CLIC5: variants seen among roughly 807,000 people sequenced by gnomAD.
CLIC5 encodes chloride intracellular channel protein 5.
In CLIC5, 20 loss-of-function variants were observed where a neutral mutation model predicts 24.7. The ratio of observed to expected loss-of-function variants is 0.81; its 90% CI spans 0.57 to 1.18. The LOEUF is 1.18. Among genes scored for constraint, CLIC5 ranks in the 50% most tolerant of loss-of-function variants. The pLI, the probability that CLIC5 is intolerant of heterozygous loss-of-function variation, is 0.00. For missense variants in CLIC5, 341 were observed against 326.1 expected (o/e 1.05, Z -0.35); for synonymous variants, 159 against 135.6 (o/e 1.17, Z -1.20).
At chr6:45,967,295 T>G (rs1298194698) in intron 1 of CLIC5, among the ~76,000 whole-genome samples, 1 of 152,188 alleles carries the variant, frequency 6.6e-6, no homozygotes, top group East Asian at 1.9e-4. Context: ...GATGTGGTGA[T>G]GAAAGAGACA....
intron 1 of CLIC5, among the ~76,000 whole-genome samples, chr6:46,074,657 G>A (rs1004993531): frequency 2.0e-4 from 31 of 152,220 alleles, no homozygotes; most frequent in African/African-American, 7.2e-4. Flanking sequence ...CACGTGAGCT[G>A]AGTGTGGACA....
intron 1 of CLIC5, among the ~76,000 whole-genome samples, chr6:45,960,843 G>A (rs928153784): frequency 6.6e-6 from 1 of 152,320 alleles, no homozygotes; most frequent in African/African-American, 2.4e-5. Context: ...CTCCAGACCA[G>A]CTCTGGCCTG....
intron 4 of CLIC5, among the ~76,000 whole-genome samples, chr6:45,915,528 A>T (rs1042995477): frequency 6.6e-6 from 1 of 152,124 alleles, no homozygotes; most frequent in African/African-American, 2.4e-5. Context: ...GGGTTACTCT[A>T]GGGAAGCTTG....
chr6:45,913,845 C>CAT (rs1762910621), intron 5 of CLIC5: 1 of 1,225,356 alleles, frequency 8.2e-7, no homozygotes. Flanking sequence ...TATGAGGGCA[C>CAT]ATTTAATAGA....
At chr6:46,065,346 GTT>G (rs58256194) in intron 1 of CLIC5, among the ~76,000 whole-genome samples, 50,138 of 145,316 alleles carry the variant, frequency 0.35, 9,015 homozygotes, top group East Asian at 0.62. Context: ...AATTTTCAAG[GTT>G]TTTTTTTTTT....
intron 1 of CLIC5, among the ~76,000 whole-genome samples, chr6:46,012,360 T>C (rs966579840): frequency 7.9e-5 from 12 of 152,248 alleles, no homozygotes; most frequent in African/African-American, 2.9e-4. Flanking sequence ...ACAGGTATTA[T>C]GGGACATTAG....
At chr6:46,094,846 C>T in the CLIC5 span, among the ~76,000 whole-genome samples, 7 of 152,220 alleles carry the variant, frequency 4.6e-5, no homozygotes, top group African/African-American at 1.7e-4. Context: ...GTGGGGGCTA[C>T]AATCCCACAT....
intron 6 of CLIC5, among the ~76,000 whole-genome samples, chr6:45,885,060 C>T (rs1762294441): frequency 6.6e-6 from 1 of 150,894 alleles, no homozygotes; most frequent in African/African-American, 2.4e-5. Flanking sequence ...CCCACCCTAC[C>T]ACCGCCCACT....
intron 1 of CLIC5, among the ~76,000 whole-genome samples, chr6:46,027,686 A>C (rs1767372455): frequency 6.6e-6 from 1 of 152,194 alleles, no homozygotes; most frequent in South Asian, 2.1e-4. Context: ...CCTTTGCAAA[A>C]GTTAGCAATG....
At chr6:46,028,682 T>C (rs1767411780) in intron 1 of CLIC5, among the ~76,000 whole-genome samples, 1 of 152,164 alleles carries the variant, frequency 6.6e-6, no homozygotes, top group Non-Finnish European at 1.5e-5. Flanking sequence ...CACAGCAAAA[T>C]TGAACTGAAG....
chr6:45,898,058 A>AT (rs909458533), downstream of CLIC5, among the ~76,000 whole-genome samples: 5 of 149,974 alleles, frequency 3.3e-5, no homozygotes, highest in African/African-American at 9.8e-5. Context: ...TTTGCTTTTG[A>AT]TTTTTTTGTT....
In CLIC5 at chr6:46,033,191, A is replaced by G. The variant is rs112354909; in HGVS notation, c.540+46512T>C. ...TTTAGTACCGACAGGGTTTCACCAT[A>G]TTGGCCAGGATAGTCTCGAACTCCT... On this transcript the variant is annotated intron_variant, in intron 1 of 5. Coordinates refer to the CLIC5 transcript ENST00000185206. Among the ~76,000 whole-genome samples the G allele has an allele frequency of 7.2e-3, 1,088 of 151,274 alleles. 14 individuals carry two copies. The highest frequency in any genetic ancestry group is 0.024 in the African/African-American group (1,005 of 41,238).
the CLIC5 span, among the ~76,000 whole-genome samples, chr6:46,125,328 A>C: frequency 6.6e-6 from 1 of 152,170 alleles, no homozygotes; most frequent in Non-Finnish European, 1.5e-5. Flanking sequence ...TCGCAAGGAC[A>C]AAAAACCAAA....
chr6:45,910,977 C>T (rs992891953), intron 5 of CLIC5, among the ~76,000 whole-genome samples: 18 of 152,196 alleles, frequency 1.2e-4, no homozygotes, highest in East Asian at 1.9e-4. Flanking sequence ...ATCATACCCA[C>T]GCAGAGAGGC....
At chr6:45,912,420 A>C in intron 5 of CLIC5, 1 of 1,136,046 alleles carries the variant, frequency 8.8e-7, no homozygotes, top group Non-Finnish European at 1.1e-6. Flanking sequence ...GATGAAGCCC[A>C]AGGCTTGGGA....
intron 4 of CLIC5, chr6:45,937,670 C>T (rs765231593): frequency 6.6e-6 from 1 of 152,238 alleles, no homozygotes; most frequent in Non-Finnish European, 1.5e-5. Context: ...AATATTAGCT[C>T]GGACTTGTAG....
the CLIC5 span, among the ~76,000 whole-genome samples, chr6:46,093,957 T>C: frequency 3.3e-5 from 5 of 152,200 alleles, no homozygotes; most frequent in African/African-American, 1.2e-4. Flanking sequence ...ATGGGAAGCA[T>C]AGCAGCATCT....
intron 1 of CLIC5, among the ~76,000 whole-genome samples, chr6:46,076,392 G>A (rs1211240156): frequency 6.6e-6 from 1 of 152,216 alleles, no homozygotes; most frequent in African/African-American, 2.4e-5. Flanking sequence ...ATTTTAAAAT[G>A]AGGAGATTAT....
intron 1 of CLIC5, among the ~76,000 whole-genome samples, chr6:45,994,932 A>T (rs1581838614): frequency 6.6e-6 from 1 of 152,362 alleles, no homozygotes; most frequent in Non-Finnish European, 1.5e-5. Flanking sequence ...TTCCTTTTTA[A>T]ATTTTCATAT....
Sources: gnomAD v4.1 joint callset for allele counts (sites outside exome capture counted in the v4.1 genomes callset) on GRCh38, gnomAD v4.1.1 for gene constraint, MANE v1.5 for transcripts, NCBI Gene and HGNC (gene_info 2026-07-23, HGNC 2026-07-21) for gene names.